The following MPRIP variants were observed in gnomAD, a reference collection of about 807,000 sequenced individuals.
MPRIP encodes myosin phosphatase Rho interacting protein.
MPRIP carries 59 observed loss-of-function variants against 234.9 expected under a neutral mutation model. That is an observed-to-expected ratio of 0.25 (90% CI 0.20 to 0.31). The LOEUF is 0.31. Ranked by LOEUF, MPRIP falls within the 10% of genes least tolerant of loss-of-function variation. The pLI is 1.00. For missense variants in MPRIP, 2,436 were observed against 3,071.0 expected (o/e 0.79, Z 4.89); for synonymous variants, 1,144 against 1,263.9 (o/e 0.91, Z 2.01).
At chr17:17,163,880 C>G (rs919199806) in intron 15 of MPRIP, among the ~76,000 whole-genome samples, 3 of 140,222 alleles carry the variant, frequency 2.1e-5, no homozygotes, top group Non-Finnish European at 3.0e-5. Context: ...AAGCTGTTTT[C>G]TGATGTTATT....
intron 19 of MPRIP, among the ~76,000 whole-genome samples, chr17:17,175,005 G>A (rs558932394): frequency 6.6e-6 from 1 of 152,302 alleles, no homozygotes; most frequent in South Asian, 2.1e-4. Flanking sequence ...CTTCCCAAGG[G>A]GCATGGCTGC....
intron 14 of MPRIP, among the ~76,000 whole-genome samples, chr17:17,159,779 G>A (rs1195287426): frequency 6.6e-6 from 1 of 152,166 alleles, no homozygotes; most frequent in East Asian, 1.9e-4. Context: ...TTTAGGGACA[G>A]TTTTCAACAC....
chr17:17,127,210 C>T (rs1056699620), intron 4 of MPRIP, among the ~76,000 whole-genome samples: 1 of 152,222 alleles, frequency 6.6e-6, no homozygotes, highest in Non-Finnish European at 1.5e-5. Flanking sequence ...GATGGCTGCT[C>T]CTCCTTCCAG....
At chr17:17,087,827 C>T (rs370216833) in intron 3 of MPRIP, among the ~76,000 whole-genome samples, 137 of 152,314 alleles carry the variant, frequency 9.0e-4, no homozygotes, top group African/African-American at 3.2e-3. Context: ...TCCCAAAAGT[C>T]CCCCTTCTTT....
At chr17:17,043,089 G>C in intron 1 of MPRIP, 118 bp downstream of exon 1, 7 of 989,316 alleles carry the variant, frequency 7.1e-6, no homozygotes, top group Non-Finnish European at 1.1e-5. Context: ...GCGAGTCCTG[G>C]GGCATGGGGA....
rs2046233399 is a variant in MPRIP, at chr17:17,175,380, C to G, written c.6838C>G (p.Leu2280Val). The G allele has an allele frequency of 1.2e-6, 2 of 1,612,958 alleles. No homozygotes were observed. Among genetic ancestry groups the G allele is most frequent in the African/African-American group, 2.7e-5 (2 of 75,042 alleles). ...DGGGEATGSP[L>V]AQGKDAYELE... ...CGGTGGGGAGGCCACTGGGTCACCC[C>G]TTGCACAGGGCAAGGATGCCTATGA... Residue 2280 changes from leucine (L) to valine (V), a missense_variant, in exon 20 of 24, where the codon CTT becomes GTT. Physicochemically the swap from Leu to Val is conservative, Grantham distance 32. Transcript: ENST00000651222.
intron 1 of MPRIP, among the ~76,000 whole-genome samples, chr17:17,071,539 G>A (rs2089194587): frequency 6.6e-6 from 1 of 152,148 alleles, no homozygotes; most frequent in African/African-American, 2.4e-5. Flanking sequence ...GTACTTAGCA[G>A]GAGAAATCTA....
chr17:17,106,251 A>G (rs1474313075), intron 3 of MPRIP, among the ~76,000 whole-genome samples: 34 of 152,130 alleles, frequency 2.2e-4, no homozygotes, highest in Non-Finnish European at 4.4e-5. Flanking sequence ...GAATGGGTGA[A>G]AGGCAACTGG....
chr17:17,103,998 G>A (rs1377559263), intron 3 of MPRIP, among the ~76,000 whole-genome samples: 1 of 150,976 alleles, frequency 6.6e-6, no homozygotes, highest in Non-Finnish European at 1.5e-5. Flanking sequence ...GTGTGTCCCT[G>A]GTGGCTCTGG....
chr17:17,131,582 T>A (rs1355172732), intron 4 of MPRIP, 35 bp from the exon 5 acceptor site: 1 of 1,581,386 alleles, frequency 6.3e-7, no homozygotes. Flanking sequence ...AGTGCCAGGG[T>A]CTTACCTGGT....
chr17:17,122,411 T>C (rs1203121594), intron 3 of MPRIP, among the ~76,000 whole-genome samples: 1 of 152,240 alleles, frequency 6.6e-6, no homozygotes, highest in African/African-American at 2.4e-5. Flanking sequence ...TGGAGTGCAG[T>C]GGCGCAATCT....
rs374865231 is a variant in MPRIP at position 17,092,002 on chromosome 17, G to A, written c.267+13926G>A. 8.7e-4 allele frequency among the ~76,000 whole-genome samples: 133 copies of A among 152,352 alleles called. No homozygotes were observed. In the South Asian group the frequency reaches 0.025, roughly 29 times the overall value. On this transcript the variant is annotated intron_variant, in intron 3 of 23. Transcript: ENST00000651222. ...TGCTCTTTTTGGGTGATGCTATGGC[G>A]ACCCACACTAGAGGAGGGTGCTGGA...
intron 3 of MPRIP, among the ~76,000 whole-genome samples, chr17:17,112,097 G>A (rs567542588): frequency 7.9e-5 from 12 of 152,260 alleles, no homozygotes; most frequent in Admixed American, 3.9e-4. Context: ...ATGCTGCTGC[G>A]CTTTTCCAAC....
chr17:17,151,446 G>A (rs922256979), intron 12 of MPRIP, among the ~76,000 whole-genome samples: 6 of 152,162 alleles, frequency 3.9e-5, no homozygotes, highest in Non-Finnish European at 5.9e-5. Context: ...AGCATTGCCC[G>A]GAAGCCCACC....
chr17:17,115,492 G>T (rs1019530027), intron 3 of MPRIP, among the ~76,000 whole-genome samples: 1 of 152,238 alleles, frequency 6.6e-6, no homozygotes, highest in Non-Finnish European at 1.5e-5. Context: ...GGAAGGCCTG[G>T]CCTGCTTGCT....
intron 4 of MPRIP, 40 bp from the exon 5 acceptor site, chr17:17,131,577 C>T: frequency 6.3e-7 from 1 of 1,585,112 alleles, no homozygotes; most frequent in Non-Finnish European, 8.7e-7. Flanking sequence ...CCCCGAGTGC[C>T]AGGGTCTTAC....
In MPRIP at chr17:17,164,529, C is replaced by T; in HGVS notation, c.2938C>T (p.Gln980Ter). Reference sequence around the variant, plus strand: ...GGAGCTACGGGGCCTGGAGACACAGCAGGCGCTGCAGCGGGACCGGCAGAA... The same window carrying T: ...GGAGCTACGGGGCCTGGAGACACAGTAGGCGCTGCAGCGGGACCGGCAGAA... The part of the protein sequence containing the change: ...TQELRGLETQ[Q>*]ALQRDRQKEV... Residue 980 changes from glutamine (Q) to a stop codon, truncating the protein, a stop_gained, in exon 16 of 24, where the codon CAG (glutamine) becomes TAG (stop). Coordinates refer to ENST00000651222, the MANE Select transcript of MPRIP (RefSeq NM_001364716.4). LOFTEE classifies it high-confidence loss of function. 2 of 1,208,726 alleles carry T rather than the reference C, an allele frequency of 1.7e-6. No individual in the cohort carries two copies. Among genetic ancestry groups the T allele is most frequent in the Non-Finnish European group, 2.1e-6 (2 of 947,316 alleles). The allele number at this position is 1,208,726 out of a possible 1,614,324, so 74.9% of individuals were successfully genotyped here. A position where few individuals can be genotyped will look rare whatever the true frequency, so the allele number is the denominator to read the frequency against.
At chr17:17,086,635 G>A (rs1180470772) in intron 3 of MPRIP, among the ~76,000 whole-genome samples, 3 of 152,206 alleles carry the variant, frequency 2.0e-5, no homozygotes. Context: ...AGGTGAGTGA[G>A]CCAGGTCTGG....
rs4985719 is a variant in MPRIP at position 17,078,968 on chromosome 17, A to G, written c.267+892A>G. On this transcript the variant is annotated intron_variant, in intron 3 of 23. Coordinates refer to ENST00000651222, the MANE Select transcript of MPRIP (RefSeq NM_001364716.4). This position sits in a 1 kb window ranked among gnomAD's most constrained non-coding sequence, Gnocchi z 4.3. ...TATGTAAAATAGGCAGCCCCTGCCT[A>G]TCCTACCCAGAGTTTGTTTCTTTGC... Among the ~76,000 whole-genome samples, 1 of 152,012 alleles carries G rather than the reference A, an allele frequency of 6.6e-6. No individual in the cohort carries two copies. Among genetic ancestry groups the G allele is most frequent in the Non-Finnish European group, 1.5e-5 (1 of 68,008 alleles).
Sources: gnomAD v4.1 joint callset for allele counts (sites outside exome capture counted in the v4.1 genomes callset) on GRCh38, gnomAD v4.1.1 for gene constraint, Gnocchi (gnomAD v3.1) non-coding constraint, MANE v1.5 for transcripts, NCBI Gene and HGNC (gene_info 2026-07-23, HGNC 2026-07-21) for gene names.